Variants in RAP2A observed in about 807,000 individuals in gnomAD.
The protein encoded by RAP2A is ras-related protein Rap-2a.
In RAP2A, 5 loss-of-function variants were observed where a neutral mutation model predicts 15.1. The ratio of observed to expected loss-of-function variants is 0.33; its 90% CI spans 0.17 to 0.70. RAP2A has a LOEUF of 0.70. RAP2A is among the 30% of genes least tolerant of loss of function. RAP2A has a pLI of 0.68. For missense variants in RAP2A, 111 were observed against 240.3 expected, an observed-to-expected ratio of 0.46 and a Z score of 3.56; for synonymous variants, 110 against 99.7, an observed-to-expected ratio of 1.10 and a Z score of -0.62.
At chr13:97,449,953 T>C (rs1216455375) in intron 1 of RAP2A, among the ~76,000 whole-genome samples, 1 of 151,186 alleles carries the variant, frequency 6.6e-6, no homozygotes, top group African/African-American at 2.5e-5. Flanking sequence ...TTATAGAGAT[T>C]CAGTGTTTGG....
At chr13:97,442,967 CATGTA>C (rs2066664353) in intron 1 of RAP2A, among the ~76,000 whole-genome samples, 1 of 152,170 alleles carries the variant, frequency 6.6e-6, no homozygotes, top group Admixed American at 6.5e-5. Context: ...ATGTATTTCT[CATGTA>C]ATGTTGTTCA....
At chr13:97,462,970 C>A (rs2066754255) in intron 1 of RAP2A, among the ~76,000 whole-genome samples, 2 of 151,648 alleles carry the variant, frequency 1.3e-5, no homozygotes, top group African/African-American at 2.4e-5. Flanking sequence ...TCTATGCATC[C>A]TGCCTCAAAG....
chr13:97,441,287 A>G (rs2066656614), intron 1 of RAP2A, among the ~76,000 whole-genome samples: 1 of 152,162 alleles, frequency 6.6e-6, no homozygotes, highest in Admixed American at 6.5e-5. Flanking sequence ...GAATAATTAT[A>G]CTAATACTTA....
intron 1 of RAP2A, among the ~76,000 whole-genome samples, chr13:97,463,168 T>C (rs1209592422): frequency 6.6e-6 from 1 of 152,136 alleles, no homozygotes; most frequent in Non-Finnish European, 1.5e-5. Flanking sequence ...CCTTTTAAAA[T>C]GTCTTGTGAA....
At chr13:97,435,388 C>T (rs995971340) in intron 1 of RAP2A, among the ~76,000 whole-genome samples, 1 of 149,836 alleles carries the variant, frequency 6.7e-6, no homozygotes, top group Non-Finnish European at 1.5e-5. Context: ...TACAAATAAG[C>T]CATTCACAGG....
intron 1 of RAP2A, among the ~76,000 whole-genome samples, chr13:97,448,764 A>G (rs566630560): frequency 6.6e-6 from 1 of 152,234 alleles, no homozygotes; most frequent in African/African-American, 2.4e-5. Context: ...GTAACAAAGA[A>G]CTCCCCATGA....
At chr13:97,443,665 T>TA (rs1204679873) in intron 1 of RAP2A, among the ~76,000 whole-genome samples, 1 of 152,230 alleles carries the variant, frequency 6.6e-6, no homozygotes, top group African/African-American at 2.4e-5. Context: ...GCACTGGGAT[T>TA]ACAGGCCTGA....
At chr13:97,463,431 GAAAT>G (rs568572390) in intron 1 of RAP2A, among the ~76,000 whole-genome samples, 2 of 152,196 alleles carry the variant, frequency 1.3e-5, no homozygotes, top group Non-Finnish European at 1.5e-5. Flanking sequence ...AAGAAAAAGA[GAAAT>G]AACACCAATT....
At position 97,438,594 on chromosome 13, in the gene RAP2A, G is replaced by A. The variant is rs1011160436; in HGVS notation, c.314+3810G>A. Among the ~76,000 whole-genome samples the A allele has an allele frequency of 3.9e-5, 6 of 152,240 alleles. No individual in the cohort carries two copies. In the East Asian group the frequency reaches 7.7e-4, roughly 20 times the overall value. The stretch of plus-strand genomic sequence containing the variant: ...CAATAATGGAACACTAGGCATAGAT[G>A]AGTTAAAAGATTTTTCCCCACTGAG... On this transcript the variant is annotated intron_variant, in intron 1 of 1. Coordinates refer to ENST00000245304, the MANE Select transcript of RAP2A (RefSeq NM_021033.7).
chr13:97,440,115 A>T (rs1288481123), intron 1 of RAP2A, among the ~76,000 whole-genome samples: 4 of 151,802 alleles, frequency 2.6e-5, no homozygotes, highest in African/African-American at 9.7e-5. Context: ...GTCTGTCCCA[A>T]GTAAGTGAAA....
intron 1 of RAP2A, among the ~76,000 whole-genome samples, chr13:97,447,043 A>C (rs1434561039): frequency 6.6e-6 from 1 of 152,216 alleles, no homozygotes; most frequent in African/African-American, 2.4e-5. Context: ...TAAGAGTACT[A>C]TTGATCCTTT....
chr13:97,436,251 A>T (rs1478872247), intron 1 of RAP2A: 1 of 151,916 alleles, frequency 6.6e-6, no homozygotes, highest in Admixed American at 6.5e-5. Context: ...TAGTTAAGAG[A>T]TGAACAATTC....
chr13:97,450,611 A>G (rs958779046), intron 1 of RAP2A, among the ~76,000 whole-genome samples: 4 of 152,120 alleles, frequency 2.6e-5, no homozygotes, highest in Admixed American at 1.3e-4. Flanking sequence ...ATACAGATCA[A>G]TGACCACTTT....
intron 1 of RAP2A, among the ~76,000 whole-genome samples, chr13:97,447,136 T>C (rs1347016454): frequency 6.6e-6 from 1 of 152,220 alleles, no homozygotes; most frequent in African/African-American, 2.4e-5. Flanking sequence ...AGCAAATTTA[T>C]GGAGCACCTA....
Position 97,465,462 on chromosome 13 carries a change from T to C in RAP2A, c.*1020T>C, listed in dbSNP as rs2066766598. ...CTATGGTTGTAGTGTGACCCGTGGC[T>C]AACCTGCTTTCAAAATCAAGTATTT... On this transcript the variant is annotated 3_prime_UTR_variant, in exon 2 of 2. Transcript: ENST00000245304. 6.5e-6 allele frequency: 1 copy of C among 152,688 alleles called. No homozygotes were observed. Among genetic ancestry groups the C allele is most frequent in the Non-Finnish European group, 1.5e-5 (1 of 68,052 alleles). 9.5% of individuals were successfully genotyped at this position (152,688 alleles called of 1,614,324 possible).
At chr13:97,450,648 A>C (rs2066698207) in intron 1 of RAP2A, among the ~76,000 whole-genome samples, 1 of 151,714 alleles carries the variant, frequency 6.6e-6, no homozygotes, top group African/African-American at 2.4e-5. Flanking sequence ...AATGACTTAG[A>C]TATTACGCTT....
At chr13:97,436,866 C>T (rs533435286) in intron 1 of RAP2A, among the ~76,000 whole-genome samples, 3 of 152,292 alleles carry the variant, frequency 2.0e-5, no homozygotes, top group Admixed American at 6.5e-5. Flanking sequence ...ACCTCTTGGA[C>T]CCTCACTTGT....
Position 97,465,491 on chromosome 13 carries a change from G to A in RAP2A, c.*1049G>A, listed in dbSNP as rs1480692690. ...CTGCTTTCAAAATCAAGTATTTGCTGTAGCAGAGCTTTATTGCAGGCATTT... is the reference window on the plus strand; with the variant it reads ...CTGCTTTCAAAATCAAGTATTTGCTATAGCAGAGCTTTATTGCAGGCATTT... On this transcript the variant is annotated 3_prime_UTR_variant, in exon 2 of 2. Transcript: ENST00000245304. 6.6e-6 allele frequency: 1 copy of A among 152,646 alleles called. No individual in the cohort carries two copies. Among genetic ancestry groups the A allele is most frequent in the Non-Finnish European group, 1.5e-5 (1 of 68,042 alleles). 9.5% of individuals were successfully genotyped at this position (152,646 alleles called of 1,614,324 possible). A position where few individuals can be genotyped will look rare whatever the true frequency, so the allele number is the denominator to read the frequency against.
chr13:97,456,328 C>T (rs530503782), intron 1 of RAP2A, among the ~76,000 whole-genome samples: 1 of 145,678 alleles, frequency 6.9e-6, no homozygotes, highest in South Asian at 2.2e-4. Context: ...CTTTCTTCTT[C>T]AGGCGTTGGT....
Sources: allele counts gnomAD v4.1 joint callset (sites outside exome capture counted in the v4.1 genomes callset), GRCh38; gene constraint gnomAD v4.1.1; transcripts MANE v1.5; gene names NCBI Gene and HGNC (gene_info 2026-07-23, HGNC 2026-07-21).